The following SYNRG variants were observed in gnomAD, a reference collection of about 807,000 sequenced individuals.
The protein encoded by SYNRG is synergin gamma, also known as AP1 gamma subunit binding protein 1.
A neutral mutation model predicts 130.9 loss-of-function variants in SYNRG; 37 were observed. The ratio of observed to expected loss-of-function variants is 0.28; its 90% CI spans 0.22 to 0.37. The LOEUF (loss-of-function observed/expected upper bound fraction) is 0.37. Among genes scored for constraint, SYNRG ranks in the 10% least tolerant of loss-of-function variants. The probability of loss-of-function intolerance (pLI) is 1.00; values close to 1 mark genes in which losing one functional copy is unlikely to be tolerated. For missense variants in SYNRG, 1,338 were observed against 1,588.9 expected (o/e 0.84, Z 2.68); for synonymous variants, 539 against 568.1 (o/e 0.95, Z 0.73).
In SYNRG at chr17:37,575,003, T is replaced by A. The variant is rs528089474; in HGVS notation, c.901+1338A>T. The stretch of plus-strand genomic sequence containing the variant: ...TGAGATCCTGTCATTTCCAACAACA[T>A]GGTTGGAACTGGAGGACACTATATT... On this transcript the variant is annotated intron_variant, in intron 8 of 21. Transcript: ENST00000612223. Among the ~76,000 whole-genome samples, 17 of 152,222 alleles carry A rather than the reference T, an allele frequency of 1.1e-4. 1 individual carries two copies. The South Asian group carries it at 3.5e-3, about 32-fold the overall frequency.
chr17:37,602,108 G>A (rs1324765003), intron 1 of SYNRG, among the ~76,000 whole-genome samples: 1 of 152,126 alleles, frequency 6.6e-6, no homozygotes, highest in African/African-American at 2.4e-5. Context: ...GGCCAAGGTA[G>A]GTGGATCACC....
At chr17:37,580,508 TGTGAGA>T (rs1262411315) in intron 6 of SYNRG, among the ~76,000 whole-genome samples, 9 of 133,706 alleles carry the variant, frequency 6.7e-5, no homozygotes, top group African/African-American at 2.6e-4. Context: ...TGTGTGTGTG[TGTGAGA>T]GAGAGAGAGA....
chr17:37,606,152 A>G (rs558282890), intron 1 of SYNRG: 1 of 319,344 alleles, frequency 3.1e-6, no homozygotes, highest in African/African-American at 2.2e-5. Flanking sequence ...TTATCTCACA[A>G]AACTCTTCTC....
intron 14 of SYNRG, among the ~76,000 whole-genome samples, chr17:37,550,907 G>A (rs892485906): frequency 7.2e-5 from 11 of 152,164 alleles, no homozygotes; most frequent in African/African-American, 2.7e-4. Context: ...ATTTAGTCAG[G>A]GGGAAAAAAC....
intron 15 of SYNRG, 167 bp downstream of exon 15, chr17:37,541,805 C>T (rs376178755): frequency 1.0e-5 from 7 of 695,154 alleles, no homozygotes; most frequent in Non-Finnish European, 1.6e-5. Flanking sequence ...TTTTGACTCC[C>T]GTCTCAGGGA....
chr17:37,531,095 C>A lies in SYNRG; in HGVS notation c.3666+4884G>T, dbSNP rs952212934. On this transcript the variant is annotated intron_variant, in intron 19 of 21. Coordinates refer to ENST00000612223, the MANE Select transcript of SYNRG (RefSeq NM_007247.6). ...GAGGCCCTATTCCTACCAAGCCAGG[C>A]ATGGTGGTGCATGCCTGTAGTCCCA... 5.3e-5 allele frequency among the ~76,000 whole-genome samples: 8 copies of A among 152,044 alleles called. No individual in the cohort carries two copies. In the East Asian group the frequency reaches 1.5e-3, roughly 29 times the overall value.
chr17:37,519,444 G>A (rs887315054), intron 21 of SYNRG, among the ~76,000 whole-genome samples: 7 of 152,140 alleles, frequency 4.6e-5, no homozygotes, highest in Non-Finnish European at 2.9e-5. Context: ...GCCGGCATCT[G>A]ACTACAGCAT....
At position 37,561,244 on chromosome 17, in the gene SYNRG, T is replaced by C; in HGVS notation, c.1614A>G (p.Lys538=). The C allele has an allele frequency of 6.2e-7, 1 of 1,613,838 alleles. No homozygotes were observed. The highest frequency in any genetic ancestry group is 8.5e-7 in the Non-Finnish European group (1 of 1,179,932). The change falls in exon 13 of 22, where the codon AAA becomes AAG. Residue 538 remains lysine (K), a synonymous_variant. Coordinates refer to ENST00000612223, the MANE Select transcript of SYNRG (RefSeq NM_007247.6). ...GTTCAAGTTCTCTGAAAGCACTATATTTATCACCAGGATCTATGATAGAAA... is the reference window on the plus strand; with the variant it reads ...GTTCAAGTTCTCTGAAAGCACTATACTTATCACCAGGATCTATGATAGAAA... The part of the protein sequence containing the change: ...NTVPPGDPGD[K]YSAFRELEQT...
chr17:37,577,916 T>C (rs905183753), intron 6 of SYNRG, among the ~76,000 whole-genome samples: 2 of 150,650 alleles, frequency 1.3e-5, no homozygotes, highest in Admixed American at 1.3e-4. Flanking sequence ...GACAGGCTGG[T>C]CTCGAACTCC....
intron 5 of SYNRG, 144 bp downstream of exon 5, chr17:37,585,181 A>G (rs959936686): frequency 1.6e-6 from 1 of 640,644 alleles, no homozygotes; most frequent in African/African-American, 1.8e-5. Context: ...CCTTCACATT[A>G]GTAATTAGGT....
chr17:37,536,287 G>A, intron 18 of SYNRG, 160 bp from the exon 19 acceptor site: 1 of 856,040 alleles, frequency 1.2e-6, no homozygotes, highest in Non-Finnish European at 1.7e-6. Context: ...TCTCAATGCT[G>A]CTGTATAGCT....
intron 6 of SYNRG, among the ~76,000 whole-genome samples, chr17:37,580,352 T>A (rs2023585948): frequency 6.6e-6 from 1 of 151,166 alleles, no homozygotes; most frequent in Non-Finnish European, 1.5e-5. Context: ...TAGAGTGCAA[T>A]GGCATGAGCT....
At chr17:37,554,554 C>G (rs2058959334) in intron 13 of SYNRG, among the ~76,000 whole-genome samples, 1 of 152,156 alleles carries the variant, frequency 6.6e-6, no homozygotes, top group Non-Finnish European at 1.5e-5. Flanking sequence ...ATGTACAACA[C>G]TTGGTTTAGC....
chr17:37,538,672 T>C (rs1011589115), intron 17 of SYNRG, among the ~76,000 whole-genome samples: 1 of 152,236 alleles, frequency 6.6e-6, no homozygotes, highest in African/African-American at 2.4e-5. Flanking sequence ...CTCGGCTCAC[T>C]GAACCCCTGA....
At chr17:37,590,147 G>A (rs1399908353) in intron 3 of SYNRG, among the ~76,000 whole-genome samples, 3 of 148,242 alleles carry the variant, frequency 2.0e-5, no homozygotes, top group Non-Finnish European at 3.0e-5. Flanking sequence ...CAGCCTGGGC[G>A]ACAGGGCGAG....
chr17:37,544,307 T>G (rs868748199), intron 14 of SYNRG, among the ~76,000 whole-genome samples: 62 of 151,990 alleles, frequency 4.1e-4, no homozygotes, highest in African/African-American at 1.3e-3. Context: ...GTGAAAAGTT[T>G]TTTTTTTTTT....
chr17:37,536,555 T>C (rs1483375427), intron 18 of SYNRG: 1 of 160,822 alleles, frequency 6.2e-6, no homozygotes, highest in African/African-American at 2.4e-5. Context: ...GGGAGGTTTA[T>C]TTATGAGTCC....
At chr17:37,589,872 C>T (rs969373212) in intron 3 of SYNRG, among the ~76,000 whole-genome samples, 2 of 150,338 alleles carry the variant, frequency 1.3e-5, no homozygotes, top group South Asian at 2.1e-4. Context: ...AGGTTAGAGA[C>T]TTAATTTGAA....
chr17:37,581,466 T>C (rs2061331599), intron 6 of SYNRG, among the ~76,000 whole-genome samples: 1 of 151,542 alleles, frequency 6.6e-6, no homozygotes, highest in Non-Finnish European at 1.5e-5. Context: ...TTAGTAGAGA[T>C]GGGGTTTCAC....
Sources: gnomAD v4.1 joint callset for allele counts (sites outside exome capture counted in the v4.1 genomes callset) on GRCh38, gnomAD v4.1.1 for gene constraint, MANE v1.5 for transcripts, NCBI Gene and HGNC (gene_info 2026-07-23, HGNC 2026-07-21) for gene names.